GABRB2: variants seen among roughly 807,000 people sequenced by gnomAD.
The protein encoded by GABRB2 is gamma-aminobutyric acid receptor subunit beta-2.
A neutral mutation model predicts 54.7 loss-of-function variants in GABRB2; 16 were observed. That is an observed-to-expected ratio of 0.29 (90% CI 0.20 to 0.44). GABRB2 has a LOEUF of 0.44. Among genes scored for constraint, GABRB2 ranks in the 20% least tolerant of loss-of-function variants. The pLI is 1.00. For synonymous variants in GABRB2, 244 were observed against 233.8 expected, an observed-to-expected ratio of 1.04 and a Z score of -0.40; for missense variants, 355 against 644.0, an observed-to-expected ratio of 0.55 and a Z score of 4.86.
At position 161,310,677 on chromosome 5, in the gene GABRB2, G is replaced by GCACA. The variant is rs71579135; in HGVS notation, c.1191+15687_1191+15690dup. ...CACATGCACACGCACGCGCACGCGC[G>GCACA]CACACACACACACACACACACAGAT... is the stretch of plus-strand genomic sequence containing the variant. On this transcript the variant is annotated intron_variant, in intron 9 of 9. Coordinates refer to ENST00000393959, the MANE Select transcript of GABRB2 (RefSeq NM_001371727.1). Among the ~76,000 whole-genome samples the GCACA allele has an allele frequency of 3.0e-3, 454 of 150,708 alleles. 3 individuals are homozygous for GCACA. The highest frequency in any genetic ancestry group is 5.0e-3 in the Non-Finnish European group (337 of 67,462).
chr5:161,326,228 GT>G (rs1258197635), intron 9 of GABRB2, 139 bp downstream of exon 9: 3 of 1,214,346 alleles, frequency 2.5e-6, no homozygotes, highest in Admixed American at 3.2e-5. Context: ...TCCTGAAAAA[GT>G]TTTAACTTAT....
At chr5:161,500,990 C>G (rs1174280936) in intron 3 of GABRB2, among the ~76,000 whole-genome samples, 1 of 152,040 alleles carries the variant, frequency 6.6e-6, no homozygotes, top group Non-Finnish European at 1.5e-5. Context: ...CCCCCTCCTC[C>G]CACCCCACAA....
intron 3 of GABRB2, among the ~76,000 whole-genome samples, chr5:161,509,793 CTACTATCT>C (rs1410473700): frequency 1.3e-5 from 2 of 151,868 alleles, no homozygotes; most frequent in African/African-American, 4.8e-5. Flanking sequence ...CACTCTATTG[CTACTATCT>C]TAGGAAAGGC....
intron 4 of GABRB2, among the ~76,000 whole-genome samples, chr5:161,426,832 A>G (rs1352942764): frequency 6.6e-6 from 1 of 152,144 alleles, no homozygotes; most frequent in Non-Finnish European, 1.5e-5. Context: ...TAAAGCGATC[A>G]CACTTGATCT....
At chr5:161,366,254 G>T (rs1175746461) in intron 5 of GABRB2, among the ~76,000 whole-genome samples, 1 of 151,912 alleles carries the variant, frequency 6.6e-6, no homozygotes, top group Admixed American at 6.6e-5. Context: ...AGTATGACTG[G>T]CACGGCTAGC....
Position 161,293,296 on chromosome 5 carries a change from G to C in GABRB2, c.*785C>G, listed in dbSNP as rs930513279. On this transcript the variant is annotated 3_prime_UTR_variant, in exon 10 of 10. Transcript: ENST00000393959. ...TGATAAGGGTCATGCTTTCTTGCTTGCTTGCTTTTTGTTACAACCGTCGTT... is the reference window on the plus strand; with the variant it reads ...TGATAAGGGTCATGCTTTCTTGCTTCCTTGCTTTTTGTTACAACCGTCGTT... 4.6e-5 allele frequency: 7 copies of C among 152,256 alleles called. No homozygotes were observed. The highest frequency in any genetic ancestry group is 7.3e-5 in the Non-Finnish European group (5 of 68,104). The allele number at this position is 152,256 out of a possible 1,614,324, so 9.4% of individuals were successfully genotyped here.
At chr5:161,521,790 G>A (rs184823594) in intron 3 of GABRB2, among the ~76,000 whole-genome samples, 55 of 151,996 alleles carry the variant, frequency 3.6e-4, no homozygotes, top group African/African-American at 1.3e-3. Context: ...TATGGAGGTT[G>A]ATACCTGAAC....
At chr5:161,477,610 C>T (rs868503760) in intron 3 of GABRB2, among the ~76,000 whole-genome samples, 3 of 151,846 alleles carry the variant, frequency 2.0e-5, no homozygotes, top group South Asian at 2.1e-4. Flanking sequence ...AAACATACAA[C>T]GGCATGTTTT....
At chr5:161,346,263 TGATA>T (rs1301306487) in intron 5 of GABRB2, among the ~76,000 whole-genome samples, 5 of 152,088 alleles carry the variant, frequency 3.3e-5, no homozygotes, top group African/African-American at 1.2e-4. Context: ...TTCACTGGCC[TGATA>T]GATTTTGGAA....
intron 3 of GABRB2, among the ~76,000 whole-genome samples, chr5:161,474,141 T>A (rs1399200131): frequency 1.3e-5 from 2 of 152,086 alleles, no homozygotes; most frequent in South Asian, 4.1e-4. Flanking sequence ...GCTCTAAGCA[T>A]CTTATAATGT....
intron 3 of GABRB2, among the ~76,000 whole-genome samples, chr5:161,488,843 C>G (rs1484787952): frequency 6.6e-6 from 1 of 151,686 alleles, no homozygotes; most frequent in African/African-American, 2.4e-5. Context: ...ATACAGCAAG[C>G]AATTGGTGTC....
chr5:161,413,000 G>A (rs1756564564), intron 4 of GABRB2, among the ~76,000 whole-genome samples: 1 of 152,060 alleles, frequency 6.6e-6, no homozygotes, highest in Non-Finnish European at 1.5e-5. Context: ...CAACCTCCTG[G>A]TCTCAAGCAA....
intron 9 of GABRB2, among the ~76,000 whole-genome samples, chr5:161,318,636 A>G (rs1758115140): frequency 6.6e-6 from 1 of 151,986 alleles, no homozygotes; most frequent in Non-Finnish European, 1.5e-5. Context: ...CAGTACAAAA[A>G]TTCTTCTCTA....
chr5:161,533,517 G>T (rs2113459692), intron 3 of GABRB2, among the ~76,000 whole-genome samples: 1 of 152,072 alleles, frequency 6.6e-6, no homozygotes, highest in South Asian at 2.1e-4. Flanking sequence ...TTAAAAAATA[G>T]ATTTCATTTA....
chr5:161,362,482 G>A (rs961306119), intron 5 of GABRB2, among the ~76,000 whole-genome samples: 8 of 151,960 alleles, frequency 5.3e-5, no homozygotes, highest in African/African-American at 1.9e-4. Context: ...AAGACTTCAT[G>A]ACTAAAACAC....
intron 5 of GABRB2, among the ~76,000 whole-genome samples, chr5:161,393,546 T>C (rs1034843795): frequency 2.6e-5 from 4 of 151,526 alleles, no homozygotes; most frequent in African/African-American, 9.7e-5. Flanking sequence ...ACAGATAAAA[T>C]AAAAATAAAC....
intron 3 of GABRB2, among the ~76,000 whole-genome samples, chr5:161,489,264 A>G (rs973805351): frequency 6.6e-6 from 1 of 151,666 alleles, no homozygotes; most frequent in African/African-American, 2.4e-5. Context: ...AATGACCCTT[A>G]TATTTATGTA....
intron 3 of GABRB2, among the ~76,000 whole-genome samples, chr5:161,508,956 C>A (rs1759685153): frequency 6.6e-6 from 1 of 151,926 alleles, no homozygotes; most frequent in Non-Finnish European, 1.5e-5. Flanking sequence ...GCCAGAACAA[C>A]CCAATTTCCT....
intron 3 of GABRB2, among the ~76,000 whole-genome samples, chr5:161,525,484 C>T (rs183848123): frequency 2.0e-5 from 3 of 151,242 alleles, no homozygotes; most frequent in South Asian, 2.1e-4. Context: ...CAAAAATATA[C>T]AGAACTAATA....
Sources: allele counts gnomAD v4.1 joint callset (sites outside exome capture counted in the v4.1 genomes callset), GRCh38; gene constraint gnomAD v4.1.1; transcripts MANE v1.5; gene names NCBI Gene and HGNC (gene_info 2026-07-23, HGNC 2026-07-21).